NECTIN4: variants seen among roughly 807,000 people sequenced by gnomAD.
NECTIN4 encodes the protein nectin-4.
In NECTIN4, 19 loss-of-function variants were observed where a neutral mutation model predicts 51.7. The ratio of observed to expected loss-of-function variants is 0.37; its 90% CI spans 0.26 to 0.54. The LOEUF (loss-of-function observed/expected upper bound fraction) is 0.54. Ranked by LOEUF, NECTIN4 falls within the 20% of genes least tolerant of loss-of-function variation. The pLI is 0.86. For synonymous variants in NECTIN4, 283 were observed against 286.9 expected, an observed-to-expected ratio of 0.99 and a Z score of 0.14; for missense variants, 619 against 662.4, an observed-to-expected ratio of 0.93 and a Z score of 0.72.
chr1:161,072,769 A>G lies in NECTIN4; in HGVS notation c.1425T>C (p.Asp475=). The stretch of plus-strand genomic sequence containing the variant: ...GGTTCATGGCCTGTTTGATGCCTTC[A>G]TCCTGATCTTCCTCCTCCTCGGCCC... ...SGRAEEEEDQ[D]EGIKQAMNHF... Residue 475 remains aspartate, a synonymous_variant, in exon 9 of 9, where the codon GAT becomes GAC. Transcript: ENST00000368012. 1.2e-6 allele frequency: 2 copies of G among 1,614,180 alleles called. No homozygotes were observed. The highest frequency in any genetic ancestry group is 1.7e-6 in the Non-Finnish European group (2 of 1,180,034).
intron 1 of NECTIN4, among the ~76,000 whole-genome samples, chr1:161,085,601 G>T (rs986008770): frequency 6.6e-6 from 1 of 152,052 alleles, no homozygotes; most frequent in African/African-American, 2.4e-5. Context: ...GCCAGAGGCT[G>T]CCTGTTCCAG....
intron 5 of NECTIN4, 53 bp from the exon 6 acceptor site, chr1:161,074,426 CCA>C: frequency 6.2e-7 from 1 of 1,612,852 alleles, no homozygotes; most frequent in Middle Eastern, 1.7e-4. Flanking sequence ...ACAACCCACC[CCA>C]GACCTCACAG....
At position 161,077,474 on chromosome 1, in the gene NECTIN4, T is replaced by C; in HGVS notation, c.709A>G (p.Thr237Ala). 4 of 1,614,074 alleles carry C rather than the reference T, an allele frequency of 2.5e-6. No homozygotes were observed. The highest frequency in any genetic ancestry group is 2.5e-6 in the Non-Finnish European group (3 of 1,180,018). Reference protein sequence around the residue: ...HPGLLQDQRITHILHVSFLAE... With the variant: ...HPGLLQDQRIAHILHVSFLAE... ...TTACAGGACACGTGGAGGATGTGGG[T>C]GATCCTTTGGTCCTGGAGCAGGCCA... The change falls in exon 3 of 9, where the codon ACC (threonine) becomes GCC (alanine). Residue 237 changes from threonine to alanine, a missense_variant. Thr to Ala is a moderately conservative substitution (Grantham distance 58, BLOSUM62 0). Transcript: ENST00000368012.
chr1:161,076,208 A>T, intron 4 of NECTIN4, 147 bp downstream of exon 4: 1 of 833,044 alleles, frequency 1.2e-6, no homozygotes, highest in Non-Finnish European at 1.9e-6. Context: ...TTGTATGATG[A>T]GTATAATAAT....
chr1:161,077,129 G>T (rs1434237296), intron 3 of NECTIN4, among the ~76,000 whole-genome samples: 2 of 152,112 alleles, frequency 1.3e-5, no homozygotes, highest in Admixed American at 6.5e-5. Context: ...GTAGAACTAG[G>T]GCTTGTCTAA....
Position 161,079,776 on chromosome 1 carries a change from T to C in NECTIN4, c.253A>G (p.Lys85Glu). The C allele has an allele frequency of 2.5e-6, 4 of 1,612,958 alleles. No individual in the cohort carries two copies. Among genetic ancestry groups the C allele is most frequent in the Non-Finnish European group, 8.5e-7 (1 of 1,179,972 alleles). ...GCCGGGCTCACATGAAGCCCGTATT[T>C]GGAGTGCAGTAGCGCTAGTTCCTGG... ...GAQELALLHS[K>E]YGLHVSPAYE... Residue 85 changes from lysine to glutamate, a missense_variant, in exon 2 of 9, where the codon AAA becomes GAA. This residue lies in a region of NECTIN4 where 218 missense variants were observed against 186.3 expected (regional missense o/e 1.17). Coordinates refer to ENST00000368012, the MANE Select transcript of NECTIN4 (RefSeq NM_030916.3).
chr1:161,078,018 C>A (rs192481340), intron 2 of NECTIN4, among the ~76,000 whole-genome samples: 1 of 152,014 alleles, frequency 6.6e-6, no homozygotes. Flanking sequence ...ATAATAACCA[C>A]CATCTAGTAA....
rs1653203250 is a variant in NECTIN4, at chr1:161,072,329, C to T, written c.*332G>A. 4.6e-6 allele frequency: 2 copies of T among 432,972 alleles called. No individual in the cohort carries two copies. The highest frequency in any genetic ancestry group is 2.1e-5 in the South Asian group (1 of 47,792). The allele number at this position is 432,972 out of a possible 1,614,324, so 26.8% of individuals were successfully genotyped here. ...CACTCAAATCCCGTGGCACATACAC[C>T]ACAGTTCACTTGACTCTGATATGAC... On this transcript the variant is annotated 3_prime_UTR_variant, in exon 9 of 9. Transcript: ENST00000368012.
rs1483619662 is a variant in NECTIN4 at position 161,072,203 on chromosome 1, A to G, written c.*458T>C. The G allele has an allele frequency of 1.7e-5, 5 of 297,686 alleles. No homozygotes were observed. The highest frequency in any genetic ancestry group is 8.7e-5 in the African/African-American group (4 of 46,048). The allele number at this position is 297,686 out of a possible 1,614,324, so 18.4% of individuals were successfully genotyped here. On this transcript the variant is annotated 3_prime_UTR_variant, in exon 9 of 9. Transcript: ENST00000368012. ...CTCTCCTCCAACCTCTGCATCATTAATACTGCTCTGGGGTCTGAGAAAATA... is the reference window on the plus strand; with the variant it reads ...CTCTCCTCCAACCTCTGCATCATTAGTACTGCTCTGGGGTCTGAGAAAATA...
At position 161,076,897 on chromosome 1, in the gene NECTIN4, G is replaced by A. The variant is rs566638652; in HGVS notation, c.731-422C>T. ...GAGGACCTGCTTTGAGCCAAATGCT[G>A]ACAGTCTTATCCCCTCCAGAGGCTT... On this transcript the variant is annotated intron_variant, in intron 3 of 8. Coordinates refer to ENST00000368012, the MANE Select transcript of NECTIN4 (RefSeq NM_030916.3). Among the ~76,000 whole-genome samples the A allele has an allele frequency of 4.6e-5, 7 of 152,344 alleles. No individual in the cohort carries two copies. The South Asian group carries it at 1.4e-3, about 32-fold the overall frequency.
intron 1 of NECTIN4, 115 bp from the exon 2 acceptor site, chr1:161,080,064 G>T: frequency 7.7e-7 from 1 of 1,291,134 alleles, no homozygotes; most frequent in Non-Finnish European, 1.1e-6. Flanking sequence ...ATTTGGGCTT[G>T]CAAAGCACAT....
intron 1 of NECTIN4, among the ~76,000 whole-genome samples, chr1:161,081,142 GGT>G (rs1404427755): frequency 6.6e-6 from 1 of 152,152 alleles, no homozygotes; most frequent in African/African-American, 2.4e-5. Flanking sequence ...CCTAAGACAG[GGT>G]GTGTGTGTTG....
intron 2 of NECTIN4, among the ~76,000 whole-genome samples, chr1:161,079,216 C>A (rs891788191): frequency 6.6e-5 from 10 of 152,140 alleles, no homozygotes; most frequent in Non-Finnish European, 1.5e-4. Flanking sequence ...TGTCAGGAAC[C>A]AGTAAGTTTA....
chr1:161,075,114 G>T (rs951087674), intron 4 of NECTIN4, among the ~76,000 whole-genome samples: 4 of 152,190 alleles, frequency 2.6e-5, no homozygotes, highest in African/African-American at 9.7e-5. Context: ...TGGAAAATGT[G>T]ACTGCCTGCT....
chr1:161,079,976 C>T, intron 1 of NECTIN4, 27 bp from the exon 2 acceptor site: 1 of 1,568,726 alleles, frequency 6.4e-7, no homozygotes, highest in Non-Finnish European at 8.7e-7. Context: ...GGGACAGCCA[C>T]CATTAGGGGT....
intron 1 of NECTIN4, among the ~76,000 whole-genome samples, chr1:161,083,315 C>T (rs1257978522): frequency 6.6e-6 from 1 of 152,192 alleles, no homozygotes; most frequent in Non-Finnish European, 1.5e-5. Flanking sequence ...GAATTTGGGC[C>T]CTAGAATCCC....
Position 161,074,366 on chromosome 1 carries a change from C to G in NECTIN4, c.1008G>C (p.Gln336His). 1.2e-6 allele frequency: 2 copies of G among 1,613,982 alleles called. No homozygotes were observed. The highest frequency in any genetic ancestry group is 2.2e-5 in the East Asian group (1 of 44,868). Residue 336 changes from glutamine to histidine, a missense_variant, in exon 6 of 9, where the codon CAG becomes CAC. Transcript: ENST00000368012. Reference sequence around the variant, plus strand: ...GGTCCACCTGCTTCCCAGAGTCTTCCTGGGGGTCTGCTGGAGACAGGCCAC... The same window carrying G: ...GGTCCACCTGCTTCCCAGAGTCTTCGTGGGGGTCTGCTGGAGACAGGCCAC... ...SQVTVDVLDP[Q>H]EDSGKQVDLV...
chr1:161,082,716 G>A lies in NECTIN4; in HGVS notation c.80-2767C>T, dbSNP rs146859502. 5.4e-3 allele frequency among the ~76,000 whole-genome samples: 815 copies of A among 152,208 alleles called. 5 individuals carry two copies. Among genetic ancestry groups the A allele is most frequent in the Non-Finnish European group, 8.6e-3 (587 of 67,982 alleles). On this transcript the variant is annotated intron_variant, in intron 1 of 8. Coordinates refer to ENST00000368012, the MANE Select transcript of NECTIN4 (RefSeq NM_030916.3). ...GTTGGTCCCACCCAGCCCAGCCTGG[G>A]AGTCCAGCTAACCACCCGCACCCCT...
intron 1 of NECTIN4, among the ~76,000 whole-genome samples, chr1:161,083,470 G>T (rs969791021): frequency 6.6e-6 from 1 of 152,200 alleles, no homozygotes; most frequent in Non-Finnish European, 1.5e-5. Context: ...TGCCTGCCTG[G>T]TGAGGTCACC....
Sources: gnomAD v4.1 joint callset for allele counts (sites outside exome capture counted in the v4.1 genomes callset) on GRCh38, gnomAD v4.1.1 for gene constraint, gnomAD v4.1.1 regional missense constraint, MANE v1.5 for transcripts, NCBI Gene and HGNC (gene_info 2026-07-23, HGNC 2026-07-21) for gene names.